ULK4: variants seen among roughly 807,000 people sequenced by gnomAD.
ULK4 encodes the protein inactive serine/threonine-protein kinase ULK4.
ULK4 carries 133 observed loss-of-function variants against 160.6 expected under a neutral mutation model. The observed-to-expected ratio is 0.83, with a 90% CI of 0.72 to 0.96. The LOEUF (loss-of-function observed/expected upper bound fraction) is 0.96. Ranked by LOEUF, ULK4 falls within the 40% of genes least tolerant of loss-of-function variation. The pLI, the probability that ULK4 is intolerant of heterozygous loss-of-function variation, is 0.00. For synonymous variants in ULK4, 534 were observed against 539.8 expected (o/e 0.99, Z 0.15); for missense variants, 1,580 against 1,499.5 (o/e 1.05, Z -0.89).
At chr3:41,451,498 A>G (rs947279579) in intron 34 of ULK4, among the ~76,000 whole-genome samples, 1 of 151,946 alleles carries the variant, frequency 6.6e-6, no homozygotes, top group Non-Finnish European at 1.5e-5. Flanking sequence ...ACAGTTGATC[A>G]TTTCTCCCAG....
chr3:41,405,536 G>C (rs1052845428), intron 34 of ULK4, among the ~76,000 whole-genome samples: 3 of 152,070 alleles, frequency 2.0e-5, no homozygotes, highest in Admixed American at 2.0e-4. Context: ...GCTTTAAGTT[G>C]AGAATTCTCC....
intron 35 of ULK4, among the ~76,000 whole-genome samples, chr3:41,295,603 TA>T (rs58981758): frequency 0.027 from 3,145 of 115,916 alleles, 596 homozygotes; most frequent in African/African-American, 0.089. Context: ...AAACAGTTGA[TA>T]AAAAAAAAAA....
chr3:41,463,323 G>A, intron 32 of ULK4, 70 bp from the exon 33 acceptor site: 5 of 1,477,402 alleles, frequency 3.4e-6, no homozygotes, highest in Non-Finnish European at 4.6e-6. Flanking sequence ...GAACCAAAAA[G>A]AGAGGCATTC....
chr3:41,773,904 C>T (rs1242783735), intron 21 of ULK4, among the ~76,000 whole-genome samples: 5 of 152,148 alleles, frequency 3.3e-5, no homozygotes, highest in African/African-American at 9.7e-5. Context: ...ACAGAGCCCT[C>T]AGAAATAATG....
At chr3:41,710,851 A>T (rs1018648801) in intron 25 of ULK4, among the ~76,000 whole-genome samples, 20 of 151,632 alleles carry the variant, frequency 1.3e-4, no homozygotes, top group African/African-American at 4.8e-4. Context: ...GGTGGAGTAA[A>T]GAGAAAGTGA....
intron 35 of ULK4, among the ~76,000 whole-genome samples, chr3:41,364,388 C>G (rs1483904348): frequency 6.6e-6 from 1 of 152,196 alleles, no homozygotes; most frequent in East Asian, 1.9e-4. Flanking sequence ...TCCACCAGGC[C>G]CTGTGCTGCG....
chr3:41,322,999 C>T lies in ULK4; in HGVS notation c.3679-73425G>A, dbSNP rs2080272762. On this transcript the variant is annotated intron_variant, in intron 35 of 36. Transcript: ENST00000301831. ...GTTGCCCAGGCTGGAGTGCAATGGC[C>T]CAATCTCGGCTCACCGCAACTTCTG... 2.0e-5 allele frequency among the ~76,000 whole-genome samples: 3 copies of T among 151,880 alleles called. No individual in the cohort carries two copies. The South Asian group carries it at 6.3e-4, about 32-fold the overall frequency.
At chr3:41,851,799 G>C (rs953204423) in intron 17 of ULK4, among the ~76,000 whole-genome samples, 20 of 152,150 alleles carry the variant, frequency 1.3e-4, no homozygotes, top group African/African-American at 4.6e-4. Context: ...AAGCAGGAAA[G>C]ATCTAAAATT....
chr3:41,627,788 A>C (rs921784634), intron 30 of ULK4, among the ~76,000 whole-genome samples: 9 of 152,226 alleles, frequency 5.9e-5, no homozygotes, highest in Non-Finnish European at 2.9e-5. Context: ...GGGAACAGAC[A>C]CGAAGAAAAC....
chr3:41,726,792 TTTTG>T (rs1302678868), intron 22 of ULK4, among the ~76,000 whole-genome samples: 4 of 152,052 alleles, frequency 2.6e-5, no homozygotes, highest in Non-Finnish European at 4.4e-5. Flanking sequence ...TGTATTTTTG[TTTTG>T]TTTATTTGTT....
intron 17 of ULK4, among the ~76,000 whole-genome samples, chr3:41,838,296 T>G (rs926532699): frequency 2.0e-5 from 3 of 152,204 alleles, no homozygotes; most frequent in Admixed American, 6.5e-5. Context: ...GCAAAAATTG[T>G]AAAAATGTCT....
At chr3:41,749,405 T>C (rs1346202775) in intron 22 of ULK4, among the ~76,000 whole-genome samples, 1 of 151,956 alleles carries the variant, frequency 6.6e-6, no homozygotes, top group East Asian at 1.9e-4. Flanking sequence ...ATCACTTGAA[T>C]CTGGGAGGCA....
chr3:41,499,618 C>G (rs1353408243), intron 32 of ULK4, among the ~76,000 whole-genome samples: 1 of 152,092 alleles, frequency 6.6e-6, no homozygotes, highest in Non-Finnish European at 1.5e-5. Context: ...CCAATTTTGA[C>G]TTTAACTGGC....
In ULK4 at chr3:41,841,380, G is replaced by A. The variant is rs562153696; in HGVS notation, c.1657-5409C>T. ...TGGGAAGTGAGGAGCGCCTCTGCCC[G>A]GCTGCCCTTCGTGTGGGAGGTAGAG... On this transcript the variant is annotated intron_variant, in intron 17 of 36. Coordinates refer to ENST00000301831, the MANE Select transcript of ULK4 (RefSeq NM_017886.4). Among the ~76,000 whole-genome samples the A allele has an allele frequency of 1.4e-3, 203 of 147,338 alleles. 1 individual carries two copies. The highest frequency in any genetic ancestry group is 4.9e-3 in the African/African-American group (197 of 39,856).
chr3:41,712,163 A>G (rs112183052), intron 25 of ULK4, among the ~76,000 whole-genome samples: 3 of 152,232 alleles, frequency 2.0e-5, no homozygotes, highest in Admixed American at 6.5e-5. Flanking sequence ...GCCTCCATAT[A>G]TAAGAAGTAT....
chr3:41,799,611 C>T lies in ULK4; in HGVS notation c.2010+521G>A, dbSNP rs115404607. 6.6e-3 allele frequency among the ~76,000 whole-genome samples: 1,001 copies of T among 152,236 alleles called. 9 individuals are homozygous for T. Among genetic ancestry groups the T allele is most frequent in the African/African-American group, 0.023 (967 of 41,550 alleles). On this transcript the variant is annotated intron_variant, in intron 20 of 36. Coordinates refer to ENST00000301831, the MANE Select transcript of ULK4 (RefSeq NM_017886.4). ...GCGCGGTGGCTCATCCACGTAATTCCAGCACTTTGGGAGGCCAGGGCAGGC... is the reference window on the plus strand; with the variant it reads ...GCGCGGTGGCTCATCCACGTAATTCTAGCACTTTGGGAGGCCAGGGCAGGC...
At chr3:41,702,647 T>C (rs2036716202) in intron 27 of ULK4, among the ~76,000 whole-genome samples, 1 of 151,984 alleles carries the variant, frequency 6.6e-6, no homozygotes, top group Non-Finnish European at 1.5e-5. Context: ...GACTTCACAA[T>C]GATACAAGGC....
chr3:41,374,689 T>G (rs9832122), intron 35 of ULK4, among the ~76,000 whole-genome samples: 41,900 of 152,078 alleles, frequency 0.28, 6,004 homozygotes, highest in Middle Eastern at 0.36. Context: ...TTACACTGTA[T>G]GGACAAAAGC....
At chr3:41,271,884 C>T (rs1404665230) in intron 35 of ULK4, among the ~76,000 whole-genome samples, 1 of 151,988 alleles carries the variant, frequency 6.6e-6, no homozygotes, top group Admixed American at 6.6e-5. Context: ...GCTTCTCATT[C>T]CTTTGTGCAG....
Sources: gnomAD v4.1 joint callset for allele counts (sites outside exome capture counted in the v4.1 genomes callset) on GRCh38, gnomAD v4.1.1 for gene constraint, MANE v1.5 for transcripts, NCBI Gene and HGNC (gene_info 2026-07-23, HGNC 2026-07-21) for gene names.